Variants in CCDC146 observed in about 807,000 individuals in gnomAD.
CCDC146 encodes coiled-coil domain-containing protein 146.
CCDC146 carries 92 observed loss-of-function variants against 119.3 expected under a neutral mutation model. That is an observed-to-expected ratio of 0.77 (90% CI 0.65 to 0.92). The LOEUF (loss-of-function observed/expected upper bound fraction) is 0.92. Ranked by LOEUF, CCDC146 falls within the 40% of genes least tolerant of loss-of-function variation. CCDC146 has a pLI of 0.00. For synonymous variants in CCDC146, 372 were observed against 371.8 expected (o/e 1.00, Z -0.01); for missense variants, 1,000 against 1,103.0 (o/e 0.91, Z 1.32).
intron 6 of CCDC146, among the ~76,000 whole-genome samples, chr7:77,258,514 G>T (rs1197497138): frequency 4.6e-5 from 7 of 152,098 alleles, no homozygotes; most frequent in African/African-American, 1.7e-4. Flanking sequence ...TTATTGTACA[G>T]TATTCAATAT....
chr7:77,170,057 A>T (rs1434463065), intron 2 of CCDC146, among the ~76,000 whole-genome samples: 5 of 152,204 alleles, frequency 3.3e-5, no homozygotes, highest in African/African-American at 4.8e-5. Flanking sequence ...CAGGTTTTGT[A>T]CATGGGCATA....
chr7:77,155,582 C>T (rs1232626333), intron 1 of CCDC146, among the ~76,000 whole-genome samples: 1 of 152,064 alleles, frequency 6.6e-6, no homozygotes, highest in East Asian at 1.9e-4. Flanking sequence ...CCAATCCTTG[C>T]TGTGTGATCT....
At chr7:77,208,138 C>A (rs1345447511) in intron 2 of CCDC146, among the ~76,000 whole-genome samples, 2 of 152,208 alleles carry the variant, frequency 1.3e-5, no homozygotes, top group East Asian at 3.8e-4. Flanking sequence ...CTGAACCCCT[C>A]AATTCCCTTT....
chr7:77,209,569 CTCCACT>C, intron 2 of CCDC146, among the ~76,000 whole-genome samples: 1 of 152,222 alleles, frequency 6.6e-6, no homozygotes, highest in Non-Finnish European at 1.5e-5. Context: ...CTTCTCACAG[CTCCACT>C]AGGCAGTGCT....
intron 4 of CCDC146, among the ~76,000 whole-genome samples, chr7:77,245,240 A>C (rs1430136021): frequency 2.0e-5 from 3 of 152,208 alleles, no homozygotes; most frequent in Non-Finnish European, 2.9e-5. Flanking sequence ...TAATCTATTT[A>C]AAGTTAAATT....
chr7:77,277,673 T>A (rs767545555), intron 11 of CCDC146, among the ~76,000 whole-genome samples: 1 of 152,194 alleles, frequency 6.6e-6, no homozygotes, highest in Non-Finnish European at 1.5e-5. Context: ...TATTCATGTG[T>A]ACAGTTACTT....
chr7:77,235,074 A>G lies in CCDC146; in HGVS notation c.157-1873A>G, dbSNP rs193264395. ...TGATAGCTGCATTCATTCATTTGCT[A>G]ACAAATATAAGCAATTTACCTAGCA... On this transcript the variant is annotated intron_variant, in intron 2 of 18. Transcript: ENST00000285871. 7.2e-3 allele frequency among the ~76,000 whole-genome samples: 1,095 copies of G among 152,278 alleles called. 8 individuals carry two copies. Among genetic ancestry groups the G allele is most frequent in the Non-Finnish European group, 9.9e-3 (676 of 68,018 alleles).
At chr7:77,129,725 T>C (rs187018402) in intron 1 of CCDC146, among the ~76,000 whole-genome samples, 1 of 152,258 alleles carries the variant, frequency 6.6e-6, no homozygotes, top group East Asian at 1.9e-4. Context: ...TCAATTATTA[T>C]AATTTTCTAC....
chr7:77,215,509 A>G (rs3095474), intron 2 of CCDC146, among the ~76,000 whole-genome samples: 10,388 of 152,092 alleles, frequency 0.068, 533 homozygotes, highest in Non-Finnish European at 0.094. Flanking sequence ...AGTAAGAGGT[A>G]CTCATTGCTG....
intron 2 of CCDC146, among the ~76,000 whole-genome samples, chr7:77,202,793 A>G (rs1255742824): frequency 1.3e-5 from 2 of 152,052 alleles, no homozygotes; most frequent in African/African-American, 4.8e-5. Flanking sequence ...GCAATAAATG[A>G]CTTGTCTGGT....
At chr7:77,180,275 G>GACAC (rs71531147) in intron 2 of CCDC146, among the ~76,000 whole-genome samples, 7 of 147,212 alleles carry the variant, frequency 4.8e-5, no homozygotes, top group Non-Finnish European at 1.1e-4. Flanking sequence ...ACCATACACA[G>GACAC]ACACACACAC....
At chr7:77,152,781 G>C (rs1791125278) in intron 1 of CCDC146, among the ~76,000 whole-genome samples, 1 of 152,146 alleles carries the variant, frequency 6.6e-6, no homozygotes, top group Non-Finnish European at 1.5e-5. Flanking sequence ...TCCGGCTCCA[G>C]GATGACCTCT....
At chr7:77,163,860 C>CTTTTTTTTTTTTTTTTTTTTT (rs530810388) in intron 1 of CCDC146, among the ~76,000 whole-genome samples, 2 of 110,038 alleles carry the variant, frequency 1.8e-5, no homozygotes, top group Non-Finnish European at 1.8e-5. Flanking sequence ...TCTTTTTTTT[C>CTTTTTTTTTTTTTTTTTTTTT]TTTTTTTTTT....
intron 9 of CCDC146, among the ~76,000 whole-genome samples, chr7:77,271,833 A>G (rs1005184949): frequency 6.6e-6 from 1 of 152,126 alleles, no homozygotes; most frequent in Non-Finnish European, 1.5e-5. Flanking sequence ...GAAATAACCA[A>G]AGTGTCTAGA....
At chr7:77,182,206 C>T (rs1015582969) in intron 2 of CCDC146, among the ~76,000 whole-genome samples, 1 of 152,024 alleles carries the variant, frequency 6.6e-6, no homozygotes, top group African/African-American at 2.4e-5. Flanking sequence ...TGGACAGGCT[C>T]AAAATATCTT....
intron 2 of CCDC146, among the ~76,000 whole-genome samples, chr7:77,170,061 GGGCA>G (rs1791397227): frequency 1.3e-5 from 2 of 151,878 alleles, no homozygotes; most frequent in Admixed American, 6.6e-5. Flanking sequence ...TTTTGTACAT[GGGCA>G]TATTGCATCC....
intron 1 of CCDC146, among the ~76,000 whole-genome samples, chr7:77,142,393 CATATGTATACATGTGCCATGTGT>C (rs1314176050): frequency 2.6e-5 from 4 of 151,398 alleles, no homozygotes; most frequent in Admixed American, 6.6e-5. Flanking sequence ...AGGTTTGTTA[CATATGTATACATGTGCCATGTGT>C]ACATGTATAC....
At chr7:77,281,326 A>G (rs979235722) in intron 14 of CCDC146, among the ~76,000 whole-genome samples, 4 of 152,202 alleles carry the variant, frequency 2.6e-5, no homozygotes, top group Non-Finnish European at 5.9e-5. Flanking sequence ...TGGTCTTATT[A>G]TATTTAGCCA....
chr7:77,193,772 C>G (rs1314001759), intron 2 of CCDC146: 1 of 152,354 alleles, frequency 6.6e-6, no homozygotes, highest in Admixed American at 6.6e-5. Flanking sequence ...TTCAAGTAAT[C>G]ATGACCTCAG....
Sources: allele counts gnomAD v4.1 joint callset (sites outside exome capture counted in the v4.1 genomes callset), GRCh38; gene constraint gnomAD v4.1.1; transcripts MANE v1.5; gene names NCBI Gene and HGNC (gene_info 2026-07-23, HGNC 2026-07-21).